Variants in SRGAP1 observed in about 807,000 individuals in gnomAD.
SRGAP1 encodes SLIT-ROBO Rho GTPase-activating protein 1.
Under a neutral mutation model 121.9 loss-of-function variants are expected in SRGAP1, and 43 were observed. The ratio of observed to expected loss-of-function variants is 0.35; its 90% CI spans 0.28 to 0.46. The LOEUF (loss-of-function observed/expected upper bound fraction) is 0.46. Ranked by LOEUF, SRGAP1 falls within the 20% of genes least tolerant of loss-of-function variation. The pLI is 1.00. For missense variants in SRGAP1, 1,102 were observed against 1,350.9 expected, an observed-to-expected ratio of 0.82 and a Z score of 2.89; for synonymous variants, 447 against 485.4, an observed-to-expected ratio of 0.92 and a Z score of 1.04.
intron 1 of SRGAP1, among the ~76,000 whole-genome samples, chr12:63,881,919 A>C (rs868456422): frequency 7.9e-5 from 12 of 152,156 alleles, no homozygotes; most frequent in Middle Eastern, 3.2e-3. Context: ...AATTACTAAA[A>C]CTCTAGAAAA....
Position 64,021,201 on chromosome 12 carries a change from C to T in SRGAP1, c.489+4189C>T, listed in dbSNP as rs541452382. ...AAGTCTCACACAAGACTTTCATATA[C>T]ATCTTATTGGCCAGAACTTAGAACA... On this transcript the variant is annotated intron_variant, in intron 4 of 21. Coordinates refer to ENST00000355086, the MANE Select transcript of SRGAP1 (RefSeq NM_020762.4). 2.0e-5 allele frequency among the ~76,000 whole-genome samples: 3 copies of T among 152,318 alleles called. No individual in the cohort carries two copies. The South Asian group carries it at 6.2e-4, about 32-fold the overall frequency.
At position 63,933,502 on chromosome 12, in the gene SRGAP1, A is replaced by G. The variant is rs1166607668; in HGVS notation, c.68-50445A>G. Among the ~76,000 whole-genome samples the G allele has an allele frequency of 2.0e-5, 3 of 152,204 alleles. No individual in the cohort carries two copies. The East Asian group carries it at 5.8e-4, about 29-fold the overall frequency. On this transcript the variant is annotated intron_variant, in intron 1 of 21. Coordinates refer to ENST00000355086, the MANE Select transcript of SRGAP1 (RefSeq NM_020762.4). ...ATCCCTAGCTGAGATTTAGAAGCAT[A>G]CCAAGAACAAACAAACAAAAAACCT...
chr12:64,005,438 T>A (rs2034050520), intron 3 of SRGAP1, among the ~76,000 whole-genome samples: 1 of 151,942 alleles, frequency 6.6e-6, no homozygotes, highest in Non-Finnish European at 1.5e-5. Context: ...AGGCCAGGAG[T>A]TCACACCAGC....
At chr12:64,014,976 CTG>C (rs2034362206) in intron 3 of SRGAP1, among the ~76,000 whole-genome samples, 1 of 64,514 alleles carries the variant, frequency 1.6e-5, no homozygotes, top group African/African-American at 3.8e-5. Context: ...GCCACCACAC[CTG>C]GCTAATTTTT....
At chr12:63,964,767 A>G (rs1218075713) in intron 1 of SRGAP1, among the ~76,000 whole-genome samples, 1 of 152,214 alleles carries the variant, frequency 6.6e-6, no homozygotes, top group East Asian at 1.9e-4. Context: ...TAACTGTATT[A>G]AAATGATGGT....
intron 1 of SRGAP1, among the ~76,000 whole-genome samples, chr12:63,873,693 G>A (rs771385572): frequency 5.3e-5 from 8 of 151,564 alleles, no homozygotes; most frequent in Non-Finnish European, 7.4e-5. Context: ...TTTTGAGATG[G>A]AGTCTCACCC....
At chr12:64,013,446 A>C (rs17099999) in intron 3 of SRGAP1, among the ~76,000 whole-genome samples, 8,075 of 152,246 alleles carry the variant, frequency 0.053, 741 homozygotes, top group African/African-American at 0.18. Context: ...GCAATCTTTG[A>C]AGGCTAGTGG....
chr12:64,105,869 G>C (rs2036336977), intron 15 of SRGAP1, among the ~76,000 whole-genome samples: 1 of 152,196 alleles, frequency 6.6e-6, no homozygotes, highest in Non-Finnish European at 1.5e-5. Context: ...GTGACTTGCT[G>C]TCTATGGGAT....
chr12:64,110,865 T>C (rs974238915), intron 16 of SRGAP1, among the ~76,000 whole-genome samples: 1 of 152,246 alleles, frequency 6.6e-6, no homozygotes, highest in African/African-American at 2.4e-5. Flanking sequence ...TGTCATGTGG[T>C]ATCTCAGTTT....
At chr12:63,898,272 T>C (rs1325054125) in intron 1 of SRGAP1, among the ~76,000 whole-genome samples, 1 of 152,224 alleles carries the variant, frequency 6.6e-6, no homozygotes, top group Non-Finnish European at 1.5e-5. Context: ...GAGACCAATA[T>C]GGCTGAGAGC....
At chr12:63,948,041 A>T (rs961655999) in intron 1 of SRGAP1, among the ~76,000 whole-genome samples, 1 of 151,752 alleles carries the variant, frequency 6.6e-6, no homozygotes, top group African/African-American at 2.4e-5. Flanking sequence ...ATCTATTGAT[A>T]TAATCTCACT....
Position 64,161,623 on chromosome 12 carries a change from T to A in SRGAP1, c.*18951T>A, listed in dbSNP as rs2037209874. 1 of 152,224 alleles carries A rather than the reference T, an allele frequency of 6.6e-6. No homozygotes were observed. The highest frequency in any genetic ancestry group is 6.5e-5 in the Admixed American group (1 of 15,280). The allele number at this position is 152,224 out of a possible 1,614,324, so 9.4% of individuals were successfully genotyped here. ...TCTTCTCTCTGCACACTGTATTTCCTCTAAGTTGCTTTTTTAAATTTTTGA... is the reference window on the plus strand; with the variant it reads ...TCTTCTCTCTGCACACTGTATTTCCACTAAGTTGCTTTTTTAAATTTTTGA... On this transcript the variant is annotated 3_prime_UTR_variant, in exon 22 of 22. Transcript: ENST00000355086.
intron 15 of SRGAP1, among the ~76,000 whole-genome samples, chr12:64,107,411 T>A (rs184877222): frequency 1.3e-5 from 2 of 152,152 alleles, no homozygotes; most frequent in South Asian, 2.1e-4. Context: ...GGAAACTGAG[T>A]TAGGAGAGTA....
chr12:64,080,461 C>A, intron 10 of SRGAP1, 91 bp downstream of exon 10: 1 of 1,122,286 alleles, frequency 8.9e-7, no homozygotes, highest in South Asian at 1.3e-5. Context: ...TATATTTGTG[C>A]TTTAAGAAGC....
chr12:64,087,806 A>G (rs2035976900), intron 11 of SRGAP1, among the ~76,000 whole-genome samples: 1 of 152,340 alleles, frequency 6.6e-6, no homozygotes, highest in Middle Eastern at 3.4e-3. Context: ...AGCTGTCTAT[A>G]TATTCTCCAT....
intron 1 of SRGAP1, among the ~76,000 whole-genome samples, chr12:63,862,303 A>C (rs1310948394): frequency 6.6e-6 from 1 of 152,116 alleles, no homozygotes; most frequent in African/African-American, 2.4e-5. Context: ...GACCTATGAC[A>C]CTAGGCCCTG....
At chr12:63,877,106 T>C (rs1387414920) in intron 1 of SRGAP1, among the ~76,000 whole-genome samples, 2 of 152,198 alleles carry the variant, frequency 1.3e-5, no homozygotes, top group Admixed American at 6.5e-5. Flanking sequence ...GCGCCTGTAA[T>C]CTTAGCTACT....
intron 10 of SRGAP1, among the ~76,000 whole-genome samples, chr12:64,082,898 C>T (rs2035873455): frequency 6.6e-6 from 1 of 152,226 alleles, no homozygotes; most frequent in African/African-American, 2.4e-5. Flanking sequence ...GCACACTAGC[C>T]TCTGCCCACT....
chr12:64,151,965 T>C lies in SRGAP1; in HGVS notation c.*9293T>C, dbSNP rs553358815. On this transcript the variant is annotated 3_prime_UTR_variant, in exon 22 of 22. Transcript: ENST00000355086. ...AAGCTAATTCTGTGCACCATTCCCC[T>C]TGCCACAACGATTGCCGTAGCTTCC... The C allele has an allele frequency of 2.8e-4, 42 of 152,398 alleles. No homozygotes were observed. The highest frequency in any genetic ancestry group is 9.6e-4 in the African/African-American group (40 of 41,572). The allele number at this position is 152,398 out of a possible 1,614,324, so 9.4% of individuals were successfully genotyped here. A position where few individuals can be genotyped will look rare whatever the true frequency, so the allele number is the denominator to read the frequency against.
Sources: allele counts gnomAD v4.1 joint callset (sites outside exome capture counted in the v4.1 genomes callset), GRCh38; gene constraint gnomAD v4.1.1; transcripts MANE v1.5; gene names NCBI Gene and HGNC (gene_info 2026-07-23, HGNC 2026-07-21).